Variants in LTBP1 observed in about 807,000 individuals in gnomAD.
The protein encoded by LTBP1 is latent-transforming growth factor beta-binding protein 1.
Under a neutral mutation model 207.6 loss-of-function variants are expected in LTBP1, and 129 were observed. That is an observed-to-expected ratio of 0.62 (90% CI 0.54 to 0.72). LTBP1 has a LOEUF of 0.72. LTBP1 is among the 30% of genes least tolerant of loss of function. The probability of loss-of-function intolerance (pLI) is 0.00; values close to 1 mark genes in which losing one functional copy is unlikely to be tolerated. For synonymous variants in LTBP1, 963 were observed against 833.7 expected (o/e 1.16, Z -2.67); for missense variants, 2,281 against 2,217.2 (o/e 1.03, Z -0.58).
intron 9 of LTBP1, among the ~76,000 whole-genome samples, chr2:33,235,805 A>G (rs1305503768): frequency 6.6e-6 from 1 of 152,248 alleles, no homozygotes; most frequent in Non-Finnish European, 1.5e-5. Flanking sequence ...ACACAGAAGC[A>G]GAAAACCAAA....
chr2:33,014,994 C>CTT (rs970499735), intron 2 of LTBP1, among the ~76,000 whole-genome samples: 8 of 141,144 alleles, frequency 5.7e-5, no homozygotes, highest in Admixed American at 1.4e-4. Flanking sequence ...GTTTTGGCCA[C>CTT]TTTTTTTTTT....
In LTBP1 at chr2:33,252,836, C is replaced by G. The variant is rs542466767; in HGVS notation, c.2159C>G (p.Pro720Arg). 9 of 1,605,118 alleles carry G rather than the reference C, an allele frequency of 5.6e-6. No homozygotes were observed. In the Admixed American group the frequency reaches 1.3e-4, roughly 24 times the overall value. The change falls in exon 11 of 34, where the codon CCA becomes CGA. Residue 720 changes from proline to arginine, a missense_variant. Physicochemically the swap from Pro to Arg is moderately radical, Grantham distance 103. Coordinates refer to ENST00000404816, the MANE Select transcript of LTBP1 (RefSeq NM_206943.4). ...CCACACTGTGAGAAATGTCCCCTTCCAGGCACAGGTAAGACATGCCCAGCT... is the reference window on the plus strand; with the variant it reads ...CCACACTGTGAGAAATGTCCCCTTCGAGGCACAGGTAAGACATGCCCAGCT... ...WGPHCEKCPL[P>R]GTAAFKEICP...
intron 24 of LTBP1, among the ~76,000 whole-genome samples, chr2:33,328,941 A>T (rs758316103): frequency 3.3e-5 from 5 of 152,164 alleles, no homozygotes; most frequent in African/African-American, 7.2e-5. Context: ...GTCATTTGGC[A>T]TGCTTCCTAT....
rs2093636787 is a variant in LTBP1 at position 33,285,055 on chromosome 2, T to G, written c.3112+4897T>G. 2.7e-5 allele frequency among the ~76,000 whole-genome samples: 4 copies of G among 150,548 alleles called. No homozygotes were observed. In the South Asian group the frequency reaches 8.6e-4, roughly 32 times the overall value. ...ACATTCTTTTTTTTTTTTTTTTTTT[T>G]TCTGAGATGGAGTCTCACTCTTGTC... is the stretch of plus-strand genomic sequence containing the variant. On this transcript the variant is annotated intron_variant, in intron 19 of 33. Transcript: ENST00000404816.
At chr2:33,193,605 T>C (rs1434577831) in intron 7 of LTBP1, among the ~76,000 whole-genome samples, 1 of 152,238 alleles carries the variant, frequency 6.6e-6, no homozygotes, top group Non-Finnish European at 1.5e-5. Flanking sequence ...CTGGCAGCCT[T>C]GCTTATAGGC....
chr2:32,962,228 A>T (rs1320447265), intron 2 of LTBP1, among the ~76,000 whole-genome samples: 1 of 152,184 alleles, frequency 6.6e-6, no homozygotes, highest in Non-Finnish European at 1.5e-5. Context: ...AAAAACACCT[A>T]CATCTCCACT....
chr2:33,057,320 G>A (rs2077050888), intron 3 of LTBP1, among the ~76,000 whole-genome samples: 1 of 152,176 alleles, frequency 6.6e-6, no homozygotes, highest in South Asian at 2.1e-4. Flanking sequence ...TAGACATAAA[G>A]GTTCTCCAAG....
At chr2:33,029,507 T>C (rs933204546) in intron 3 of LTBP1, among the ~76,000 whole-genome samples, 1 of 152,132 alleles carries the variant, frequency 6.6e-6, no homozygotes, top group Non-Finnish European at 1.5e-5. Context: ...AAGTTATTAT[T>C]TGAGCATAAT....
intron 9 of LTBP1, among the ~76,000 whole-genome samples, chr2:33,225,653 T>C (rs2091391173): frequency 6.6e-6 from 1 of 152,228 alleles, no homozygotes; most frequent in Admixed American, 6.5e-5. Flanking sequence ...GAATTCAAGA[T>C]GAGATTTGGG....
At chr2:33,191,346 T>C (rs2087854226) in intron 7 of LTBP1, among the ~76,000 whole-genome samples, 1 of 152,232 alleles carries the variant, frequency 6.6e-6, no homozygotes, top group Non-Finnish European at 1.5e-5. Context: ...TTTTGTCTTA[T>C]CTGCATACAT....
At chr2:33,174,181 A>T (rs1266384103) in intron 5 of LTBP1, among the ~76,000 whole-genome samples, 3 of 146,726 alleles carry the variant, frequency 2.0e-5, no homozygotes, top group Middle Eastern at 3.4e-3. Flanking sequence ...GAAGGAAATA[A>T]AGGGTATTCA....
chr2:33,179,039 C>T (rs1420761958), intron 5 of LTBP1, among the ~76,000 whole-genome samples: 1 of 144,262 alleles, frequency 6.9e-6, no homozygotes, highest in Admixed American at 7.2e-5. Flanking sequence ...CCATGCCTGG[C>T]CCCCAGCATG....
At position 32,947,578 on chromosome 2, in the gene LTBP1, G is replaced by C; in HGVS notation, c.254G>C (p.Arg85Pro). 1 of 1,324,086 alleles carries C rather than the reference G, an allele frequency of 7.6e-7. No homozygotes were observed. Among genetic ancestry groups the C allele is most frequent in the Non-Finnish European group, 9.6e-7 (1 of 1,041,306 alleles). The allele number at this position is 1,324,086 out of a possible 1,614,324, so 82.0% of individuals were successfully genotyped here. A position where few individuals can be genotyped will look rare whatever the true frequency, so the allele number is the denominator to read the frequency against. Residue 85 changes from arginine to proline, a missense_variant, in exon 1 of 34, where the codon CGG (arginine) becomes CCG (proline). Coordinates refer to ENST00000404816, the MANE Select transcript of LTBP1 (RefSeq NM_206943.4). ...ASPGVPSERT[R>P]RTSKPGGAAL... ...CCCGGGGTCCCCTCGGAGAGGACCC[G>C]GCGCACGAGCAAGCCGGGCGGCGCG...
intron 24 of LTBP1, among the ~76,000 whole-genome samples, chr2:33,335,620 C>T (rs1377740508): frequency 2.0e-5 from 3 of 152,166 alleles, no homozygotes; most frequent in African/African-American, 7.2e-5. Flanking sequence ...TGCTCATCTT[C>T]CGCTTAATGC....
chr2:33,054,399 G>A (rs199535596), intron 3 of LTBP1, among the ~76,000 whole-genome samples: 11 of 152,230 alleles, frequency 7.2e-5, no homozygotes, highest in East Asian at 5.8e-4. Flanking sequence ...TGGACTGGGC[G>A]GGCATTTTTT....
chr2:33,268,733 G>A (rs1305298133), intron 15 of LTBP1, among the ~76,000 whole-genome samples: 1 of 152,132 alleles, frequency 6.6e-6, no homozygotes, highest in African/African-American at 2.4e-5. Flanking sequence ...AATTGTTGTG[G>A]GACAATCTAT....
At chr2:33,010,241 G>C (rs555055155) in intron 2 of LTBP1, among the ~76,000 whole-genome samples, 1 of 152,222 alleles carries the variant, frequency 6.6e-6, no homozygotes, top group African/African-American at 2.4e-5. Context: ...AACAGATTCC[G>C]TGGAAAAGCG....
chr2:33,155,885 G>T (rs1265066535), intron 5 of LTBP1, among the ~76,000 whole-genome samples: 1 of 152,102 alleles, frequency 6.6e-6, no homozygotes, highest in African/African-American at 2.4e-5. Flanking sequence ...TCAAATAAAG[G>T]TACCAAATTC....
intron 2 of LTBP1, among the ~76,000 whole-genome samples, chr2:32,955,531 C>T (rs750683530): frequency 6.6e-6 from 1 of 151,266 alleles, no homozygotes; most frequent in Admixed American, 6.6e-5. Flanking sequence ...TATATTTTTG[C>T]GAGAGCTGGA....
Sources: allele counts gnomAD v4.1 joint callset (sites outside exome capture counted in the v4.1 genomes callset), GRCh38; gene constraint gnomAD v4.1.1; transcripts MANE v1.5; gene names NCBI Gene and HGNC (gene_info 2026-07-23, HGNC 2026-07-21).